The following PTPRJ variants were observed in gnomAD, a reference collection of about 807,000 sequenced individuals.
PTPRJ encodes the protein protein tyrosine phosphatase receptor type J.
Under a neutral mutation model 141.3 loss-of-function variants are expected in PTPRJ, and 129 were observed. That is an observed-to-expected ratio of 0.91 (90% CI 0.79 to 1.06). The LOEUF (loss-of-function observed/expected upper bound fraction) is 1.06. Among genes scored for constraint, PTPRJ ranks in the 50% least tolerant of loss-of-function variants. The probability of loss-of-function intolerance (pLI) is 0.00; values close to 1 mark genes in which losing one functional copy is unlikely to be tolerated. For missense variants in PTPRJ, 1,601 were observed against 1,679.7 expected (o/e 0.95, Z 0.82); for synonymous variants, 610 against 640.5 (o/e 0.95, Z 0.72).
At chr11:48,079,625 G>A (rs1328558296) in intron 1 of PTPRJ, among the ~76,000 whole-genome samples, 2 of 152,140 alleles carry the variant, frequency 1.3e-5, no homozygotes, top group Admixed American at 6.6e-5. Flanking sequence ...GAGAAGGTAG[G>A]AGGGCAGAGG....
At chr11:48,033,602 T>A (rs1854044600) in intron 1 of PTPRJ, among the ~76,000 whole-genome samples, 1 of 152,126 alleles carries the variant, frequency 6.6e-6, no homozygotes, top group Non-Finnish European at 1.5e-5. Context: ...AAACGTGTGC[T>A]ATGGGATGGA....
intron 1 of PTPRJ, among the ~76,000 whole-genome samples, chr11:47,995,222 G>A (rs1854301853): frequency 6.6e-6 from 1 of 152,144 alleles, no homozygotes; most frequent in South Asian, 2.1e-4. Context: ...AATAATAAAA[G>A]TAACAATAGT....
intron 21 of PTPRJ, among the ~76,000 whole-genome samples, chr11:48,159,607 A>G (rs1857713458): frequency 1.3e-5 from 2 of 152,194 alleles, no homozygotes; most frequent in Admixed American, 6.5e-5. Flanking sequence ...AGAAAAAACA[A>G]TTCCAACAGG....
At chr11:48,149,537 G>A (rs1161359744) in intron 16 of PTPRJ, 49 bp downstream of exon 16, 21 of 1,186,328 alleles carry the variant, frequency 1.8e-5, no homozygotes, top group African/African-American at 3.2e-5. Flanking sequence ...CAATCTGTTC[G>A]GTGACTATCT....
In PTPRJ at chr11:48,086,680, CA is replaced by C. The variant is rs1302154949; in HGVS notation, c.97-23377del. Among the ~76,000 whole-genome samples, 14 of 152,328 alleles carry C rather than the reference CA, an allele frequency of 9.2e-5. No homozygotes were observed. The South Asian group carries it at 2.5e-3, about 27-fold the overall frequency. On this transcript the variant is annotated intron_variant, in intron 1 of 24. Transcript: ENST00000418331. ...CTGGGATTTATTGAGCCACTGAGGTCATTGGCCTCAGGCCACCTGCGTCTCT... is the reference window on the plus strand; with the variant it reads ...CTGGGATTTATTGAGCCACTGAGGTCTTGGCCTCAGGCCACCTGCGTCTCT...
At chr11:48,060,141 T>C (rs925011049) in intron 1 of PTPRJ, among the ~76,000 whole-genome samples, 11 of 152,184 alleles carry the variant, frequency 7.2e-5, no homozygotes, top group Non-Finnish European at 1.5e-5. Context: ...GATATGCCTA[T>C]TTTTTCCCCT....
At chr11:48,119,815 T>C (rs545723934) in intron 3 of PTPRJ, among the ~76,000 whole-genome samples, 1 of 152,352 alleles carries the variant, frequency 6.6e-6, no homozygotes, top group Non-Finnish European at 1.5e-5. Context: ...CTTTACTCTT[T>C]TGGGATTAGT....
intron 1 of PTPRJ, among the ~76,000 whole-genome samples, chr11:48,041,797 G>T (rs1039987015): frequency 6.6e-5 from 10 of 151,864 alleles, no homozygotes; most frequent in African/African-American, 2.4e-4. Context: ...GCTAATTTTT[G>T]TACTTTTTGT....
chr11:48,073,322 A>G (rs1244581130), intron 1 of PTPRJ, among the ~76,000 whole-genome samples: 1 of 152,158 alleles, frequency 6.6e-6, no homozygotes, highest in Non-Finnish European at 1.5e-5. Flanking sequence ...TTCTCCTGAG[A>G]TCCCCGGAGG....
At chr11:48,082,707 C>T (rs1855596670) in intron 1 of PTPRJ, among the ~76,000 whole-genome samples, 1 of 151,594 alleles carries the variant, frequency 6.6e-6, no homozygotes, top group African/African-American at 2.4e-5. Flanking sequence ...TGCCACTGTG[C>T]CTGGCCCAGT....
chr11:48,050,236 T>C (rs1365555550), intron 1 of PTPRJ, among the ~76,000 whole-genome samples: 2 of 152,162 alleles, frequency 1.3e-5, no homozygotes, highest in Non-Finnish European at 2.9e-5. Context: ...TGTGATTTTC[T>C]TTCTTTATTA....
intron 1 of PTPRJ, among the ~76,000 whole-genome samples, chr11:48,034,795 C>T (rs748187363): frequency 1.3e-5 from 2 of 152,330 alleles, no homozygotes; most frequent in South Asian, 2.1e-4. Flanking sequence ...CAAGGCCTGT[C>T]GGTTTTCCCA....
intron 18 of PTPRJ, among the ~76,000 whole-genome samples, chr11:48,152,886 C>T (rs7122770): frequency 0.12 from 18,358 of 152,180 alleles, 1,243 homozygotes; most frequent in African/African-American, 0.16. Flanking sequence ...GTTCTTTTGG[C>T]TTAGGATTGT....
chr11:48,004,922 A>G (rs1854584646), intron 1 of PTPRJ, among the ~76,000 whole-genome samples: 1 of 152,154 alleles, frequency 6.6e-6, no homozygotes, highest in Non-Finnish European at 1.5e-5. Context: ...TCATCCATTT[A>G]GAAAGTATAC....
chr11:48,144,913 G>A, intron 13 of PTPRJ, 28 bp downstream of exon 13: 1 of 1,613,782 alleles, frequency 6.2e-7, no homozygotes, highest in Non-Finnish European at 8.5e-7. Context: ...TTACTCTTTG[G>A]GGGCTGAGCC....
In PTPRJ at chr11:48,131,449, C is replaced by T; in HGVS notation, c.1615+733C>T. The T allele has an allele frequency of 3.9e-6, 3 of 766,928 alleles. No individual in the cohort carries two copies. In the South Asian group the frequency reaches 4.2e-5, roughly 11 times the overall value. The allele number at this position is 766,928 out of a possible 1,614,324, so 47.5% of individuals were successfully genotyped here. Reference sequence around the variant, plus strand: ...CTGTACATGTGGTTTTGTAATCTGCCTTTTCCCCAACTTGCCAATTAATTA... The same window carrying T: ...CTGTACATGTGGTTTTGTAATCTGCTTTTTCCCCAACTTGCCAATTAATTA... On this transcript the variant is annotated intron_variant, in intron 8 of 24. Transcript: ENST00000418331.
chr11:48,041,543 A>G (rs1180853919), intron 1 of PTPRJ, among the ~76,000 whole-genome samples: 1 of 152,176 alleles, frequency 6.6e-6, no homozygotes, highest in Admixed American at 6.5e-5. Flanking sequence ...GTGGCTTCTG[A>G]GCATTATGAG....
At chr11:48,156,857 G>A (rs538623822) in intron 21 of PTPRJ, among the ~76,000 whole-genome samples, 2 of 151,120 alleles carry the variant, frequency 1.3e-5, no homozygotes, top group East Asian at 4.0e-4. Context: ...AAAGTGTTGG[G>A]ATTTCAGGCG....
chr11:47,992,852 T>C (rs1854232529), intron 1 of PTPRJ, among the ~76,000 whole-genome samples: 1 of 152,130 alleles, frequency 6.6e-6, no homozygotes, highest in Admixed American at 6.6e-5. Flanking sequence ...CGCACGTGTG[T>C]GTGGTGTGTA....
Sources: gnomAD v4.1 joint callset for allele counts (sites outside exome capture counted in the v4.1 genomes callset) on GRCh38, gnomAD v4.1.1 for gene constraint, MANE v1.5 for transcripts, NCBI Gene and HGNC (gene_info 2026-07-23, HGNC 2026-07-21) for gene names.